Variants in CREB5 observed in about 807,000 individuals in gnomAD.
The protein encoded by CREB5 is cAMP responsive element binding protein 5, also known as cyclic AMP-responsive element-binding protein 5.
CREB5 carries 19 observed loss-of-function variants against 57.1 expected under a neutral mutation model. That is an observed-to-expected ratio of 0.33 (90% CI 0.23 to 0.49). CREB5 has a LOEUF of 0.49. Among genes scored for constraint, CREB5 ranks in the 20% least tolerant of loss-of-function variants. The pLI is 0.99. For synonymous variants in CREB5, 238 were observed against 238.3 expected (o/e 1.00, Z 0.01); for missense variants, 579 against 671.6 (o/e 0.86, Z 1.52).
chr7:28,362,319 G>T (rs1489083927), intron 1 of CREB5, among the ~76,000 whole-genome samples: 1 of 152,094 alleles, frequency 6.6e-6, no homozygotes, highest in Non-Finnish European at 1.5e-5. Context: ...TTTAATTTAG[G>T]TTGTTTCTCT....
At chr7:28,531,878 A>T (rs1793745869) in intron 4 of CREB5, among the ~76,000 whole-genome samples, 1 of 151,700 alleles carries the variant, frequency 6.6e-6, no homozygotes. Context: ...AAATACAAAA[A>T]ATTAGCCGGG....
intron 4 of CREB5, among the ~76,000 whole-genome samples, chr7:28,525,201 C>G (rs1227195444): frequency 6.6e-6 from 1 of 151,918 alleles, no homozygotes; most frequent in African/African-American, 2.4e-5. Flanking sequence ...GTATATATAC[C>G]ACATTTTCTT....
intron 7 of CREB5, among the ~76,000 whole-genome samples, chr7:28,753,846 A>G (rs532067976): frequency 2.8e-4 from 43 of 152,160 alleles, no homozygotes; most frequent in Non-Finnish European, 5.1e-4. Context: ...TAATTAGAAA[A>G]TACATAGGAT....
At chr7:28,725,423 C>T (rs1429602873) in intron 7 of CREB5, among the ~76,000 whole-genome samples, 1 of 152,136 alleles carries the variant, frequency 6.6e-6, no homozygotes, top group African/African-American at 2.4e-5. Flanking sequence ...CTACCTTGGG[C>T]AAATAAAATC....
chr7:28,604,229 A>G (rs1477830582), intron 5 of CREB5, among the ~76,000 whole-genome samples: 3 of 152,036 alleles, frequency 2.0e-5, no homozygotes, highest in Non-Finnish European at 4.4e-5. Flanking sequence ...AGATCTCACC[A>G]CCTCTGCACA....
At chr7:28,685,965 G>A in intron 5 of CREB5, 3 of 578,740 alleles carry the variant, frequency 5.2e-6, no homozygotes, top group Non-Finnish European at 9.1e-6. Context: ...GGGGGAGGAG[G>A]GCGAGACCAG....
chr7:28,518,612 G>A (rs1163096476), intron 4 of CREB5, among the ~76,000 whole-genome samples: 1 of 152,174 alleles, frequency 6.6e-6, no homozygotes, highest in Non-Finnish European at 1.5e-5. Flanking sequence ...AGAATGTGGT[G>A]GGCATGCGAG....
intron 7 of CREB5, among the ~76,000 whole-genome samples, chr7:28,737,415 C>G (rs980147458): frequency 1.3e-5 from 2 of 151,158 alleles, no homozygotes; most frequent in African/African-American, 4.9e-5. Flanking sequence ...CTCATTTCCC[C>G]ATTGACAAAA....
chr7:28,567,182 A>G (rs1795518132), intron 4 of CREB5, among the ~76,000 whole-genome samples: 1 of 152,192 alleles, frequency 6.6e-6, no homozygotes, highest in African/African-American at 2.4e-5. Flanking sequence ...CCCCTGTAAC[A>G]TTTTAAAAAA....
chr7:28,608,113 T>TCTCTCTCACACA (rs1484747649), intron 5 of CREB5, among the ~76,000 whole-genome samples: 9 of 143,070 alleles, frequency 6.3e-5, no homozygotes, highest in African/African-American at 2.4e-4. Context: ...TCTCTCTCTC[T>TCTCTCTCACACA]CACACACACT....
Position 28,341,957 on chromosome 7 carries a change from G to A in CREB5, c.-25+42516G>A, listed in dbSNP as rs73082479. On this transcript the variant is annotated intron_variant, in intron 1 of 9. Transcript: ENST00000396299. ...TTGATGGACAGTTATAATTTGAGGA[G>A]AGGGAAGGGAAGGAAAAGGCCATTT... Among the ~76,000 whole-genome samples the A allele has an allele frequency of 6.9e-3, 1,052 of 152,286 alleles. 1 individual carries two copies. The highest frequency in any genetic ancestry group is 0.011 in the Non-Finnish European group (766 of 68,020).
At chr7:28,625,659 A>T (rs1192623893) in intron 5 of CREB5, among the ~76,000 whole-genome samples, 2 of 152,118 alleles carry the variant, frequency 1.3e-5, no homozygotes, top group African/African-American at 2.4e-5. Flanking sequence ...ACAGGGGAAA[A>T]AAGTTATGTG....
intron 4 of CREB5, among the ~76,000 whole-genome samples, chr7:28,551,868 C>G (rs10278567): frequency 7.0e-6 from 1 of 142,434 alleles, no homozygotes; most frequent in Non-Finnish European, 1.6e-5. Flanking sequence ...TTCTTTCTTT[C>G]TTTTTCTTTC....
chr7:28,560,855 T>TGCGTGCGTGC (rs1554344299), intron 4 of CREB5, among the ~76,000 whole-genome samples: 1 of 56,388 alleles, frequency 1.8e-5, no homozygotes, highest in Non-Finnish European at 3.5e-5. Context: ...CGCGTGTGTG[T>TGCGTGCGTGC]GTGCGTGTGC....
rs1787856977 is a variant in CREB5 at position 28,412,742 on chromosome 7, T to C, written c.-173T>C. The C allele has an allele frequency of 4.2e-6, 2 of 480,424 alleles. No homozygotes were observed. Among genetic ancestry groups the C allele is most frequent in the East Asian group, 6.7e-5 (2 of 29,800 alleles). The allele number at this position is 480,424 out of a possible 1,614,324, so 29.8% of individuals were successfully genotyped here. ...ATTGTAAAATACCAGACCTGTTCTTTTTACTAAAAGCTAGTTTCACTATCT... is the reference window on the plus strand; with the variant it reads ...ATTGTAAAATACCAGACCTGTTCTTCTTACTAAAAGCTAGTTTCACTATCT... On this transcript the variant is annotated 5_prime_UTR_variant, in exon 1 of 11. Coordinates refer to ENST00000357727, the MANE Select transcript of CREB5 (RefSeq NM_182898.4).
chr7:28,738,751 G>C (rs1562607589), intron 7 of CREB5, among the ~76,000 whole-genome samples: 1 of 152,140 alleles, frequency 6.6e-6, no homozygotes, highest in Non-Finnish European at 1.5e-5. Flanking sequence ...ATGCTCCTTA[G>C]ACAAAGATAA....
chr7:28,807,386 T>C (rs987721062), intron 8 of CREB5, among the ~76,000 whole-genome samples: 1 of 152,156 alleles, frequency 6.6e-6, no homozygotes, highest in African/African-American at 2.4e-5. Context: ...GCAGCAAAGG[T>C]TGCAGTGAAC....
rs75219547 is a variant in CREB5 at position 28,553,139 on chromosome 7, C to T, written c.292-17226C>T. ...AGAACAACTTCATCCTACTTCTATG[C>T]AGCTTCAGTTAATTTCTAAATTCCC... On this transcript the variant is annotated intron_variant, in intron 4 of 10. Transcript: ENST00000357727. 7.9e-5 allele frequency among the ~76,000 whole-genome samples: 12 copies of T among 152,358 alleles called. No individual in the cohort carries two copies. In the South Asian group the frequency reaches 1.2e-3, roughly 16 times the overall value.
At chr7:28,379,838 C>T (rs1318249859) in intron 1 of CREB5, among the ~76,000 whole-genome samples, 1 of 152,182 alleles carries the variant, frequency 6.6e-6, no homozygotes, top group Non-Finnish European at 1.5e-5. Context: ...AATTCTTGAG[C>T]CCCCACCTCA....
Sources: allele counts gnomAD v4.1 joint callset (sites outside exome capture counted in the v4.1 genomes callset), GRCh38; gene constraint gnomAD v4.1.1; transcripts MANE v1.5; gene names NCBI Gene and HGNC (gene_info 2026-07-23, HGNC 2026-07-21).